DLEU7: variants seen among roughly 807,000 people sequenced by gnomAD.
DLEU7 encodes leukemia-associated protein 7.
In DLEU7, 17 loss-of-function variants were observed where a neutral mutation model predicts 16.0. The observed-to-expected ratio is 1.06, with a 90% CI of 0.73 to 1.59. The LOEUF (loss-of-function observed/expected upper bound fraction) is 1.59, where lower values mean the gene tolerates loss of function less well. Ranked by LOEUF, DLEU7 falls within the 40% of genes most tolerant of loss-of-function variation. The pLI is 0.00. For missense variants in DLEU7, 308 were observed against 314.9 expected, an observed-to-expected ratio of 0.98 and a Z score of 0.17; for synonymous variants, 113 against 139.8, an observed-to-expected ratio of 0.81 and a Z score of 1.35.
chr13:50,803,070 C>G (rs138363520), intron 1 of DLEU7, among the ~76,000 whole-genome samples: 260 of 152,232 alleles, frequency 1.7e-3, no homozygotes, highest in African/African-American at 5.8e-3. Flanking sequence ...CCTAACAGGT[C>G]ATTGGTACAT....
At chr13:50,832,143 T>C (rs551624332) in intron 1 of DLEU7, among the ~76,000 whole-genome samples, 88 of 152,302 alleles carry the variant, frequency 5.8e-4, no homozygotes, top group South Asian at 2.5e-3. Context: ...AGGTTATTAA[T>C]TACTGCCTCA....
intron 1 of DLEU7, chr13:50,812,877 A>T (rs1876610435): frequency 8.9e-6 from 1 of 111,804 alleles, no homozygotes; most frequent in South Asian, 2.4e-4. Flanking sequence ...CTGTAGAATG[A>T]CAGAAAAAAA....
At chr13:50,751,743 A>G (rs1028531267) in intron 1 of DLEU7, among the ~76,000 whole-genome samples, 2 of 152,162 alleles carry the variant, frequency 1.3e-5, no homozygotes, top group Non-Finnish European at 2.9e-5. Context: ...GTAGCCTTGA[A>G]TGATTTTTTG....
intron 1 of DLEU7, among the ~76,000 whole-genome samples, chr13:50,837,798 C>T (rs914325740): frequency 2.0e-5 from 3 of 152,104 alleles, no homozygotes; most frequent in African/African-American, 4.8e-5. Flanking sequence ...CTCATGAATT[C>T]GTACTGACTG....
chr13:50,767,410 C>T lies in DLEU7; in HGVS notation c.460-54170G>A, dbSNP rs529157437. 7.7e-5 allele frequency among the ~76,000 whole-genome samples: 11 copies of T among 142,516 alleles called. No homozygotes were observed. The East Asian group carries it at 2.0e-3, about 26-fold the overall frequency. 93.5% of individuals were successfully genotyped at this position (142,516 alleles called of 152,430 possible). On this transcript the variant is annotated intron_variant, in intron 1 of 1. Coordinates refer to the DLEU7 transcript ENST00000400393. The stretch of plus-strand genomic sequence containing the variant: ...GGCGGAGCTTGCAGTGAGCCGAGAT[C>T]GCGCCACTGCACTCCAGCCTGGGCG...
At chr13:50,763,028 A>G (rs1874984729) in intron 1 of DLEU7, among the ~76,000 whole-genome samples, 1 of 152,144 alleles carries the variant, frequency 6.6e-6, no homozygotes, top group African/African-American at 2.4e-5. Flanking sequence ...GGTCTTTAGG[A>G]AAGGAGACAA....
chr13:50,751,050 A>G (rs1336554744), intron 1 of DLEU7, among the ~76,000 whole-genome samples: 1 of 152,156 alleles, frequency 6.6e-6, no homozygotes, highest in Non-Finnish European at 1.5e-5. Context: ...TTCCCCATTC[A>G]GTATTACGTT....
chr13:50,843,390 GGGGAGTTC>G lies in DLEU7; in HGVS notation c.249_256del (p.Asn84ArgfsTer9). 7.4e-7 allele frequency: 1 copy of G among 1,346,908 alleles called. No homozygotes were observed. The highest frequency in any genetic ancestry group is 9.5e-7 in the Non-Finnish European group (1 of 1,053,220). The allele number at this position is 1,346,908 out of a possible 1,614,324, so 83.4% of individuals were successfully genotyped here. ...AGCGCCTCGCACTACCTCCTCCTCTGGGGAGTTCGCCCGCGCCGCGGTCCGCCGACTCC... is the reference window on the plus strand; with the variant it reads ...AGCGCCTCGCACTACCTCCTCCTCTGGCCCGCGCCGCGGTCCGCCGACTCC... On this transcript the variant is annotated frameshift_variant, in exon 1 of 2. Coordinates refer to ENST00000504404, the MANE Select transcript of DLEU7 (RefSeq NM_001306135.2). LOFTEE classifies it high-confidence loss of function. The surrounding 1 kb of genome is among the most constrained non-coding windows in gnomAD (Gnocchi z 5.7).
At chr13:50,733,394 T>C (rs1348209424) in intron 1 of DLEU7, among the ~76,000 whole-genome samples, 2 of 152,204 alleles carry the variant, frequency 1.3e-5, no homozygotes, top group Non-Finnish European at 2.9e-5. Context: ...AGAATTACTA[T>C]CCATACTCTT....
chr13:50,727,798 A>G (rs946327939), intron 1 of DLEU7, among the ~76,000 whole-genome samples: 5 of 152,204 alleles, frequency 3.3e-5, no homozygotes, highest in Non-Finnish European at 4.4e-5. Context: ...AGAGCTGCAC[A>G]CTGCTGTGAC....
chr13:50,747,582 C>T (rs1267706407), intron 1 of DLEU7, among the ~76,000 whole-genome samples: 1 of 151,968 alleles, frequency 6.6e-6, no homozygotes, highest in Non-Finnish European at 1.5e-5. Flanking sequence ...TAGTTGGAGC[C>T]AGTCACAGAA....
intron 1 of DLEU7, among the ~76,000 whole-genome samples, chr13:50,810,648 T>C (rs1480466420): frequency 6.6e-6 from 1 of 152,118 alleles, no homozygotes. Flanking sequence ...TGCCAAGGGC[T>C]GTAGAACACA....
intron 1 of DLEU7, among the ~76,000 whole-genome samples, chr13:50,786,489 G>A (rs1476740200): frequency 1.3e-5 from 2 of 152,132 alleles, no homozygotes; most frequent in Non-Finnish European, 2.9e-5. Context: ...GTGCATATTT[G>A]TTAAATGAAA....
intron 1 of DLEU7, among the ~76,000 whole-genome samples, chr13:50,757,921 A>G (rs515854): frequency 0.47 from 71,341 of 151,862 alleles, 17,718 homozygotes; most frequent in African/African-American, 0.62. Context: ...TACCAACTCC[A>G]TCATATCTTC....
intron 1 of DLEU7, among the ~76,000 whole-genome samples, chr13:50,767,338 C>A (rs1322806634): frequency 6.6e-6 from 1 of 151,896 alleles, no homozygotes; most frequent in Non-Finnish European, 1.5e-5. Context: ...CGCCTGTAGT[C>A]CCAGCTACGC....
At chr13:50,741,874 A>C (rs1243563899) in intron 1 of DLEU7, among the ~76,000 whole-genome samples, 2 of 152,162 alleles carry the variant, frequency 1.3e-5, no homozygotes, top group Non-Finnish European at 2.9e-5. Context: ...CAGTTTTTGC[A>C]TGGGAGGGCC....
At chr13:50,753,759 G>A (rs569570723) in intron 1 of DLEU7, among the ~76,000 whole-genome samples, 7 of 152,230 alleles carry the variant, frequency 4.6e-5, no homozygotes, top group Non-Finnish European at 1.0e-4. Flanking sequence ...CTCCCACAGT[G>A]CAGCGGTAGG....
chr13:50,717,669 A>G (rs1384778666), intron 1 of DLEU7, among the ~76,000 whole-genome samples: 1 of 151,882 alleles, frequency 6.6e-6, no homozygotes, highest in Admixed American at 6.6e-5. Flanking sequence ...GAGAAGTTCT[A>G]ACACCTAGCC....
At chr13:50,821,480 C>G (rs772876262), downstream of DLEU7, among the ~76,000 whole-genome samples, 56 of 152,114 alleles carry the variant, frequency 3.7e-4, no homozygotes, top group Non-Finnish European at 6.9e-4. Flanking sequence ...TTACCAACAG[C>G]TATGCTATTA....
Sources: gnomAD v4.1 joint callset for allele counts (sites outside exome capture counted in the v4.1 genomes callset) on GRCh38, gnomAD v4.1.1 for gene constraint, Gnocchi (gnomAD v3.1) non-coding constraint, MANE v1.5 for transcripts, NCBI Gene and HGNC (gene_info 2026-07-23, HGNC 2026-07-21) for gene names.